OR2L13: variants seen among roughly 807,000 people sequenced by gnomAD.
OR2L13 encodes the protein olfactory receptor 2L13.
In OR2L13, 14 loss-of-function variants were observed where a neutral mutation model predicts 15.3. The ratio of observed to expected loss-of-function variants is 0.91; its 90% CI spans 0.60 to 1.43. The LOEUF is 1.43. OR2L13 is among the 40% of genes most tolerant of loss of function. The probability of loss-of-function intolerance (pLI) is 0.00; values close to 1 mark genes in which losing one functional copy is unlikely to be tolerated. For missense variants in OR2L13, 367 were observed against 387.9 expected (o/e 0.95, Z 0.45); for synonymous variants, 152 against 142.9 (o/e 1.06, Z -0.45).
chr1:248,018,142 G>A, the OR2L13 span, among the ~76,000 whole-genome samples: 21,014 of 144,266 alleles, frequency 0.15, 1,927 homozygotes, highest in Middle Eastern at 0.28. Flanking sequence ...GCGACAGAGC[G>A]ACTCCATCTC....
At chr1:247,964,645 T>G in the OR2L13 span, among the ~76,000 whole-genome samples, 1 of 151,988 alleles carries the variant, frequency 6.6e-6, no homozygotes, top group Non-Finnish European at 1.5e-5. Context: ...ATAGCATAGT[T>G]CATTAATTCA....
At chr1:248,091,968 G>C (rs1664607143), upstream of OR2L13, among the ~76,000 whole-genome samples, 1 of 151,952 alleles carries the variant, frequency 6.6e-6, no homozygotes, top group Non-Finnish European at 1.5e-5. Flanking sequence ...CAATTCCTTT[G>C]ATCAGCATTT....
the OR2L13 span, chr1:247,949,285 T>C: frequency 6.2e-7 from 1 of 1,614,108 alleles, no homozygotes; most frequent in Non-Finnish European, 8.5e-7. Context: ...TGTGTGCTGA[T>C]GATAACAGGG....
chr1:247,976,165 A>C, the OR2L13 span, among the ~76,000 whole-genome samples: 1 of 152,122 alleles, frequency 6.6e-6, no homozygotes, highest in Non-Finnish European at 1.5e-5. Flanking sequence ...TCTTTAGAAA[A>C]ACAAGAGTTT....
At chr1:247,942,331 T>G in the OR2L13 span, among the ~76,000 whole-genome samples, 1 of 152,166 alleles carries the variant, frequency 6.6e-6, no homozygotes, top group African/African-American at 2.4e-5. Flanking sequence ...CTTCTTTAGA[T>G]ATCATCTTTA....
At chr1:248,034,589 G>T in the OR2L13 span, among the ~76,000 whole-genome samples, 5 of 152,072 alleles carry the variant, frequency 3.3e-5, no homozygotes, top group African/African-American at 1.2e-4. Context: ...ACAGTGTTAA[G>T]CCTTCCAGTC....
chr1:247,965,181 C>T, the OR2L13 span: 1 of 570,766 alleles, frequency 1.8e-6, no homozygotes, highest in Non-Finnish European at 2.9e-6. Flanking sequence ...ATTTGCATCC[C>T]AGTAACAGTA....
the OR2L13 span, among the ~76,000 whole-genome samples, chr1:247,960,126 T>A: frequency 6.6e-6 from 1 of 152,326 alleles, no homozygotes; most frequent in East Asian, 1.9e-4. Context: ...TTGGTGTGGA[T>A]GTCCTTTCTG....
the OR2L13 span, among the ~76,000 whole-genome samples, chr1:248,063,657 C>G: frequency 6.6e-6 from 1 of 152,212 alleles, no homozygotes; most frequent in African/African-American, 2.4e-5. Context: ...AGCACCTCCT[C>G]TCTTCCCAGG....
At chr1:248,060,166 A>G in the OR2L13 span, among the ~76,000 whole-genome samples, 12 of 152,212 alleles carry the variant, frequency 7.9e-5, no homozygotes, top group Non-Finnish European at 1.3e-4. Context: ...ATTCAATATA[A>G]CATCTGATTT....
the OR2L13 span, among the ~76,000 whole-genome samples, chr1:248,050,374 A>G: frequency 6.6e-6 from 1 of 152,152 alleles, no homozygotes; most frequent in South Asian, 2.1e-4. Context: ...ATCCATTTGG[A>G]TTTATTTTTA....
At chr1:248,047,293 T>C in the OR2L13 span, among the ~76,000 whole-genome samples, 1 of 152,284 alleles carries the variant, frequency 6.6e-6, no homozygotes, top group African/African-American at 2.4e-5. Flanking sequence ...AGTGATTATA[T>C]GATGCTCATT....
chr1:247,970,500 T>A, the OR2L13 span, among the ~76,000 whole-genome samples: 1 of 152,160 alleles, frequency 6.6e-6, no homozygotes, highest in African/African-American at 2.4e-5. Context: ...ATATAGGATT[T>A]TTCCCCCTTT....
At chr1:247,949,918 C>A in the OR2L13 span, 41 of 657,752 alleles carry the variant, frequency 6.2e-5, no homozygotes, top group Non-Finnish European at 8.9e-5. Context: ...AGAAGAAAAT[C>A]ACTGATATAT....
the OR2L13 span, among the ~76,000 whole-genome samples, chr1:248,024,891 C>T: frequency 4.6e-5 from 7 of 152,260 alleles, no homozygotes; most frequent in East Asian, 1.4e-3. Flanking sequence ...GCGATGCGGG[C>T]TCTTTTTTGG....
chr1:247,957,482 C>T, the OR2L13 span, among the ~76,000 whole-genome samples: 1 of 152,162 alleles, frequency 6.6e-6, no homozygotes, highest in Non-Finnish European at 1.5e-5. Flanking sequence ...AGGATTCCCT[C>T]TTTTTCTATT....
the OR2L13 span, among the ~76,000 whole-genome samples, chr1:248,066,138 A>C: frequency 1.3e-5 from 2 of 152,110 alleles, no homozygotes; most frequent in East Asian, 1.9e-4. Context: ...TTTTTCTGTA[A>C]TTTTTTCTGC....
At chr1:248,064,453 C>T in the OR2L13 span, among the ~76,000 whole-genome samples, 1 of 152,138 alleles carries the variant, frequency 6.6e-6, no homozygotes, top group Admixed American at 6.6e-5. Context: ...CTGAGAAATA[C>T]ATTTCTCTTG....
chr1:248,070,437 G>C, the OR2L13 span, among the ~76,000 whole-genome samples: 1 of 152,102 alleles, frequency 6.6e-6, no homozygotes, highest in African/African-American at 2.4e-5. Context: ...CAAGAACAAA[G>C]ACACAACATA....
Sources: gnomAD v4.1 joint callset for allele counts (sites outside exome capture counted in the v4.1 genomes callset) on GRCh38, gnomAD v4.1.1 for gene constraint, MANE v1.5 for transcripts, NCBI Gene and HGNC (gene_info 2026-07-23, HGNC 2026-07-21) for gene names.